STARD9: variants seen among roughly 807,000 people sequenced by gnomAD.
STARD9 encodes the protein stAR-related lipid transfer protein 9.
Under a neutral mutation model 399.8 loss-of-function variants are expected in STARD9, and 346 were observed. That is an observed-to-expected ratio of 0.87 (90% confidence interval 0.79 to 0.95). The LOEUF is 0.95. Ranked by LOEUF, STARD9 falls within the 40% of genes least tolerant of loss-of-function variation. The pLI is 0.00. For synonymous variants in STARD9, 2,203 were observed against 2,143.5 expected (o/e 1.03, Z -0.77); for missense variants, 5,832 against 5,667.5 (o/e 1.03, Z -0.93).
chr15:42,612,679 G>A (rs2058874539), intron 3 of STARD9, among the ~76,000 whole-genome samples: 1 of 152,136 alleles, frequency 6.6e-6, no homozygotes. Context: ...GCAAAAAGAA[G>A]CACTGACAGA....
In STARD9 at chr15:42,599,078, C is replaced by T. The variant is rs573786334; in HGVS notation, c.234+13441C>T. 3.9e-5 allele frequency among the ~76,000 whole-genome samples: 6 copies of T among 152,224 alleles called. No individual in the cohort carries two copies. In the South Asian group the frequency reaches 1.2e-3, roughly 32 times the overall value. ...AGCTGGGATTACAGGCCCCCACCAC[C>T]ATGCCTGGCTAATTTTTGTATTTTT... On this transcript the variant is annotated intron_variant, in intron 3 of 32. Transcript: ENST00000290607.
At position 42,695,184 on chromosome 15, in the gene STARD9, T is replaced by TA; in HGVS notation, c.13008dup (p.Glu4337ArgfsTer12). Reference sequence around the variant, plus strand: ...AGGTCAGCTCACACACCCTCTGACATAGAGTTGATGCTGCAAGACTACCAG... The same window carrying TA: ...AGGTCAGCTCACACACCCTCTGACATAAGAGTTGATGCTGCAAGACTACCAG... On this transcript the variant is annotated frameshift_variant, in exon 25 of 33. Coordinates refer to ENST00000290607, the MANE Select transcript of STARD9 (RefSeq NM_020759.3). LOFTEE classifies it high-confidence loss of function. 1.3e-6 allele frequency: 2 copies of TA among 1,536,982 alleles called. No homozygotes were observed. Among genetic ancestry groups the TA allele is most frequent in the Non-Finnish European group, 1.7e-6 (2 of 1,146,796 alleles).
At position 42,689,356 on chromosome 15, in the gene STARD9, G is replaced by C; in HGVS notation, c.7778G>C (p.Arg2593Thr). The C allele has an allele frequency of 6.5e-7, 1 of 1,537,298 alleles. No individual in the cohort carries two copies. The highest frequency in any genetic ancestry group is 8.7e-7 in the Non-Finnish European group (1 of 1,146,930). ...GAATGTTCTTCAAGGGTTGCTGGCA[G>C]GCCTCAGTGTAAACAAATAGACCAG... is the stretch of plus-strand genomic sequence containing the variant. Reference protein sequence around the residue: ...EPECSSRVAGRPQCKQIDQSS... With the variant: ...EPECSSRVAGTPQCKQIDQSS... Residue 2593 changes from arginine (R) to threonine (T), a missense_variant, in exon 23 of 33, where the codon AGG becomes ACG. Transcript: ENST00000290607.
intron 7 of STARD9, 25 bp from the exon 8 acceptor site, chr15:42,650,991 T>C (rs2059751762): frequency 6.8e-7 from 1 of 1,470,094 alleles, no homozygotes; most frequent in Non-Finnish European, 9.1e-7. Flanking sequence ...TTTAATTTCT[T>C]TTTTCCGTTT....
chr15:42,621,468 C>T (rs996299574), intron 3 of STARD9, among the ~76,000 whole-genome samples: 1 of 152,142 alleles, frequency 6.6e-6, no homozygotes, highest in Non-Finnish European at 1.5e-5. Context: ...AATAAGGCAG[C>T]CCCTAGAACT....
intron 21 of STARD9, among the ~76,000 whole-genome samples, chr15:42,681,829 G>C (rs544693134): frequency 3.3e-5 from 5 of 151,986 alleles, no homozygotes; most frequent in Non-Finnish European, 7.4e-5. Flanking sequence ...TCAGAATTAC[G>C]GACCTCCTAC....
chr15:42,618,614 A>T (rs1004994841), intron 3 of STARD9, among the ~76,000 whole-genome samples: 2 of 150,850 alleles, frequency 1.3e-5, no homozygotes, highest in African/African-American at 2.4e-5. Context: ...TTATTTATTT[A>T]TTTTTTTGAA....
chr15:42,716,954 G>C lies in STARD9; in HGVS notation c.13400G>C (p.Cys4467Ser). The change falls in exon 28 of 33, where the codon TGC becomes TCC. Residue 4467 changes from cysteine to serine, a missense_variant. Physicochemically the swap from Cys to Ser is moderately radical, Grantham distance 112. Coordinates refer to ENST00000290607, the MANE Select transcript of STARD9 (RefSeq NM_020759.3). ...YSHRASLGSCCCSPSSLSSLG... is the reference protein window; with the variant it reads ...YSHRASLGSCSCSPSSLSSLG... The stretch of plus-strand genomic sequence containing the variant: ...CACAGAGCCTCCCTGGGCAGTTGCT[G>C]CTGTTCACCATCCAGTCTGTCCAGC... 1.3e-6 allele frequency: 2 copies of C among 1,537,236 alleles called. No homozygotes were observed. Among genetic ancestry groups the C allele is most frequent in the South Asian group, 1.2e-5 (1 of 84,062 alleles).
intron 15 of STARD9, among the ~76,000 whole-genome samples, chr15:42,666,285 T>G (rs1302250162): frequency 6.6e-6 from 1 of 151,874 alleles, no homozygotes; most frequent in East Asian, 1.9e-4. Context: ...GCTGAAAGAG[T>G]CTAGGGAAGG....
chr15:42,712,576 ATTT>A (rs1035114114), intron 26 of STARD9, among the ~76,000 whole-genome samples: 4 of 152,220 alleles, frequency 2.6e-5, no homozygotes, highest in Non-Finnish European at 5.9e-5. Flanking sequence ...AAAGATTATT[ATTT>A]CCCCCATTGA....
intron 13 of STARD9, among the ~76,000 whole-genome samples, chr15:42,664,660 C>T (rs2060053688): frequency 6.6e-6 from 1 of 152,160 alleles, no homozygotes; most frequent in Non-Finnish European, 1.5e-5. Context: ...GGCCAAAGTG[C>T]CCAGTCTTAT....
Position 42,685,051 on chromosome 15 carries a change from G to GC in STARD9, c.3477dup (p.Lys1160GlnfsTer21), listed in dbSNP as rs2060517447. 1.3e-6 allele frequency: 2 copies of GC among 1,537,064 alleles called. No individual in the cohort carries two copies. Among genetic ancestry groups the GC allele is most frequent in the South Asian group, 1.2e-5 (1 of 84,064 alleles). ...TCACTGGCTGAGAAGAGGTACCAAA[G>GC]CCCCAAAAACAGGCTAGGGGGCAAT... is the stretch of plus-strand genomic sequence containing the variant. On this transcript the variant is annotated frameshift_variant, in exon 23 of 33. Coordinates refer to ENST00000290607, the MANE Select transcript of STARD9 (RefSeq NM_020759.3). LOFTEE classifies it high-confidence loss of function.
chr15:42,637,004 C>T (rs1286814971), intron 4 of STARD9, among the ~76,000 whole-genome samples: 1 of 150,578 alleles, frequency 6.6e-6, no homozygotes, highest in African/African-American at 2.4e-5. Flanking sequence ...ATGGAGGTTG[C>T]AGTGAGCCGA....
intron 2 of STARD9, among the ~76,000 whole-genome samples, chr15:42,584,738 T>C (rs2058240605): frequency 6.6e-6 from 1 of 152,206 alleles, no homozygotes; most frequent in Non-Finnish European, 1.5e-5. Flanking sequence ...CAATGTGGTG[T>C]CTAAATGGGG....
intron 26 of STARD9, among the ~76,000 whole-genome samples, chr15:42,697,420 AGTGTT>A (rs998367727): frequency 6.6e-6 from 1 of 152,106 alleles, no homozygotes; most frequent in Admixed American, 6.6e-5. Context: ...ACAGCTGAAT[AGTGTT>A]TCTTTTTTTC....
intron 3 of STARD9, among the ~76,000 whole-genome samples, chr15:42,598,957 T>C (rs181438264): frequency 6.6e-6 from 1 of 152,264 alleles, no homozygotes; most frequent in Admixed American, 6.5e-5. Flanking sequence ...CGAGTCTCAC[T>C]GTGTCATCCA....
At chr15:42,614,380 G>C (rs1467691238) in intron 3 of STARD9, among the ~76,000 whole-genome samples, 1 of 151,740 alleles carries the variant, frequency 6.6e-6, no homozygotes, top group Non-Finnish European at 1.5e-5. Flanking sequence ...AAAAACAGTC[G>C]AAGTAGGCAC....
intron 3 of STARD9, among the ~76,000 whole-genome samples, chr15:42,599,810 T>G (rs2058586339): frequency 1.3e-5 from 2 of 152,218 alleles, no homozygotes; most frequent in South Asian, 4.1e-4. Context: ...GTAGTAGATG[T>G]GATTCCTGCC....
intron 3 of STARD9, among the ~76,000 whole-genome samples, chr15:42,595,284 G>A (rs990803815): frequency 5.3e-5 from 8 of 152,068 alleles, no homozygotes. Context: ...TCCATTTTAG[G>A]GATAGGAACA....
Sources: gnomAD v4.1 joint callset for allele counts (sites outside exome capture counted in the v4.1 genomes callset) on GRCh38, gnomAD v4.1.1 for gene constraint, MANE v1.5 for transcripts, NCBI Gene and HGNC (gene_info 2026-07-23, HGNC 2026-07-21) for gene names.